EPB41L3: variants seen among roughly 807,000 people sequenced by gnomAD.
EPB41L3 encodes band 4.1-like protein 3.
A neutral mutation model predicts 127.1 loss-of-function variants in EPB41L3; 57 were observed. The ratio of observed to expected loss-of-function variants is 0.45; its 90% CI spans 0.36 to 0.56. The LOEUF is 0.56. Ranked by LOEUF, EPB41L3 falls within the 20% of genes least tolerant of loss-of-function variation. The pLI is 0.00. For synonymous variants in EPB41L3, 572 were observed against 549.5 expected (o/e 1.04, Z -0.57); for missense variants, 1,273 against 1,372.2 (o/e 0.93, Z 1.14).
At chr18:5,435,899 A>G (rs909260523) in intron 6 of EPB41L3, among the ~76,000 whole-genome samples, 4 of 152,216 alleles carry the variant, frequency 2.6e-5, no homozygotes, top group African/African-American at 9.7e-5. Flanking sequence ...CATTTTTAGA[A>G]TTTAGATAGC....
upstream of EPB41L3, among the ~76,000 whole-genome samples, chr18:5,546,221 A>G (rs563269349): frequency 6.6e-6 from 1 of 152,334 alleles, no homozygotes; most frequent in Non-Finnish European, 1.5e-5. Flanking sequence ...TAGACAACTA[A>G]GTATTTTTTT....
At chr18:5,401,309 CAAA>C (rs1185032085) in intron 16 of EPB41L3, among the ~76,000 whole-genome samples, 1 of 152,080 alleles carries the variant, frequency 6.6e-6, no homozygotes, top group East Asian at 1.9e-4. Flanking sequence ...TTATATAACT[CAAA>C]TGTTCTTCAT....
intron 7 of EPB41L3, among the ~76,000 whole-genome samples, 153 bp downstream of exon 7, chr18:5,433,750 C>T (rs2079331194): frequency 6.6e-6 from 1 of 152,166 alleles, no homozygotes. Flanking sequence ...TGAGTGAGAG[C>T]TTGCCCATCT....
rs530151182 is a variant in EPB41L3, at chr18:5,584,547, T to C, written c.-306+27793A>G. On this transcript the variant is annotated intron_variant, in intron 3 of 21. Transcript: ENST00000545076. ...TGAATTTAGTGGTACCTACAGTATATAGGTGCTCTAAAGCTTGTTACCCAT... is the reference window on the plus strand; with the variant it reads ...TGAATTTAGTGGTACCTACAGTATACAGGTGCTCTAAAGCTTGTTACCCAT... 3.3e-5 allele frequency among the ~76,000 whole-genome samples: 5 copies of C among 152,314 alleles called. No homozygotes were observed. In the South Asian group the frequency reaches 6.2e-4, roughly 19 times the overall value.
intron 16 of EPB41L3, among the ~76,000 whole-genome samples, chr18:5,401,850 C>A (rs1467048430): frequency 1.3e-5 from 2 of 152,086 alleles, no homozygotes; most frequent in Non-Finnish European, 2.9e-5. Flanking sequence ...TAAGTTGAAC[C>A]AAGCGTTCAA....
chr18:5,583,667 T>G (rs1164712168), intron 3 of EPB41L3, among the ~76,000 whole-genome samples: 1 of 152,218 alleles, frequency 6.6e-6, no homozygotes, highest in African/African-American at 2.4e-5. Flanking sequence ...AATGCAATAG[T>G]GTTTTTCCCC....
intron 13 of EPB41L3, among the ~76,000 whole-genome samples, chr18:5,412,200 T>TA (rs1222303679): frequency 6.6e-5 from 10 of 152,090 alleles, no homozygotes; most frequent in Non-Finnish European, 1.2e-4. Flanking sequence ...GACTTGCACT[T>TA]AGTGTTTTAT....
intron 1 of EPB41L3, among the ~76,000 whole-genome samples, chr18:5,535,698 A>C (rs760669998): frequency 2.6e-5 from 4 of 152,238 alleles, no homozygotes; most frequent in Admixed American, 6.5e-5. Flanking sequence ...CTTCAGGATC[A>C]TAAAGCTATT....
chr18:5,398,731 C>G (rs1483180443), intron 16 of EPB41L3: 1 of 399,236 alleles, frequency 2.5e-6, no homozygotes. Context: ...TATCTCCATT[C>G]GGACAGGCTC....
chr18:5,515,770 A>G (rs763731459), intron 1 of EPB41L3, among the ~76,000 whole-genome samples: 35 of 152,356 alleles, frequency 2.3e-4, no homozygotes, highest in Middle Eastern at 3.4e-3. Flanking sequence ...TTAAAACAAA[A>G]TGAAGTCTGA....
chr18:5,435,444 A>AT (rs1034752309), intron 6 of EPB41L3, among the ~76,000 whole-genome samples: 1 of 152,108 alleles, frequency 6.6e-6, no homozygotes. Flanking sequence ...TTTATATTAT[A>AT]TTTTTATTGT....
intron 9 of EPB41L3, among the ~76,000 whole-genome samples, chr18:5,426,752 T>A (rs1286125314): frequency 6.6e-6 from 1 of 152,208 alleles, no homozygotes; most frequent in African/African-American, 2.4e-5. Context: ...GAAAATCCCT[T>A]AACAAGGAAC....
At chr18:5,394,640 G>T in intron 22 of EPB41L3, 37 bp downstream of exon 22, 1 of 1,525,994 alleles carries the variant, frequency 6.6e-7, no homozygotes, top group Non-Finnish European at 9.1e-7. Flanking sequence ...CCTCATGCCA[G>T]CCTAGGCAAG....
At chr18:5,608,741 G>C (rs2094692126) in intron 3 of EPB41L3, among the ~76,000 whole-genome samples, 1 of 152,108 alleles carries the variant, frequency 6.6e-6, no homozygotes, top group Non-Finnish European at 1.5e-5. Flanking sequence ...GGAGAGGGGA[G>C]ATGAGAAGAC....
rs578168816 is a variant in EPB41L3, at chr18:5,397,371, T to C, written c.2528A>G (p.His843Arg). The change falls in exon 18 of 23, where the codon CAC becomes CGC. Residue 843 changes from histidine to arginine, a missense_variant. Physicochemically the swap from His to Arg is conservative, Grantham distance 29. Around this residue, in one of 3 missense-constraint regions of EPB41L3, gnomAD observed 765 missense variants for 782.9 expected, o/e 0.98. Transcript: ENST00000341928. The surrounding 1 kb of genome is among the most constrained non-coding windows in gnomAD (Gnocchi z 4.1). ...SGIETEPTVH[H>R]LPLSTEKVVQ... The stretch of plus-strand genomic sequence containing the variant: ...CACCTTCTCAGTGCTAAGCGGCAGG[T>C]GGTGCACGGTGGGTTCCGTCTCTAT... The C allele has an allele frequency of 6.8e-6, 11 of 1,613,654 alleles. No homozygotes were observed. The South Asian group carries it at 1.2e-4, about 18-fold the overall frequency.
intron 3 of EPB41L3, among the ~76,000 whole-genome samples, chr18:5,450,112 GAAAAGGCAAAACTAAGGGA>G (rs1414868262): frequency 5.3e-5 from 8 of 151,758 alleles, no homozygotes; most frequent in Non-Finnish European, 8.8e-5. Context: ...TATCATCCTG[GAAAAGGCAAAACTAAGGGA>G]AAAAGGCAAA....
chr18:5,523,874 A>G (rs180700032), intron 1 of EPB41L3, among the ~76,000 whole-genome samples: 1 of 151,726 alleles, frequency 6.6e-6, no homozygotes, highest in Non-Finnish European at 1.5e-5. Context: ...AACCTTTTTT[A>G]AAAAAAAATT....
intron 1 of EPB41L3, among the ~76,000 whole-genome samples, chr18:5,490,204 A>G (rs2090418211): frequency 6.6e-6 from 1 of 152,234 alleles, no homozygotes; most frequent in African/African-American, 2.4e-5. Flanking sequence ...TGTCATTTTA[A>G]GCAATTACTT....
Position 5,520,401 on chromosome 18 carries a change from C to G in EPB41L3, c.-12+23512G>C, listed in dbSNP as rs79385924. 2.8e-3 allele frequency among the ~76,000 whole-genome samples: 421 copies of G among 151,894 alleles called. 2 individuals are homozygous for G. The highest frequency in any genetic ancestry group is 9.9e-3 in the African/African-American group (410 of 41,424). On this transcript the variant is annotated intron_variant, in intron 1 of 22. Coordinates refer to ENST00000341928, the MANE Select transcript of EPB41L3 (RefSeq NM_012307.5). ...TCTAATAATAAAACAAGTAGCAAAA[C>G]CTTGAACCAGCTTTTCACTATGTTA...
Sources: allele counts gnomAD v4.1 joint callset (sites outside exome capture counted in the v4.1 genomes callset), GRCh38; gene constraint gnomAD v4.1.1; regional missense constraint gnomAD v4.1.1; non-coding constraint Gnocchi (gnomAD v3.1); transcripts MANE v1.5; gene names NCBI Gene and HGNC (gene_info 2026-07-23, HGNC 2026-07-21).